Variants in SERTM1 observed in about 807,000 individuals in gnomAD.
The protein encoded by SERTM1 is serine rich and transmembrane domain containing 1.
A neutral mutation model predicts 5.5 loss-of-function variants in SERTM1; 1 was observed. The observed-to-expected ratio is 0.18, with a 90% CI of 0.06 to 0.86. The LOEUF (loss-of-function observed/expected upper bound fraction) is 0.86. Among genes scored for constraint, SERTM1 ranks in the 40% least tolerant of loss-of-function variants. SERTM1 has a pLI of 0.69. For synonymous variants in SERTM1, 52 were observed against 55.1 expected (o/e 0.94, Z 0.25); for missense variants, 91 against 122.4 (o/e 0.74, Z 1.21).
At chr13:36,686,853 G>C (rs1255345827) in intron 1 of SERTM1, among the ~76,000 whole-genome samples, 1 of 152,124 alleles carries the variant, frequency 6.6e-6, no homozygotes, top group South Asian at 2.1e-4. Context: ...AAATCTTGAA[G>C]TCTGAATCCT....
chr13:36,695,683 T>C lies in SERTM1; in HGVS notation c.*281T>C, dbSNP rs1276172354. 4.2e-6 allele frequency: 2 copies of C among 479,752 alleles called. No individual in the cohort carries two copies. The highest frequency in any genetic ancestry group is 7.6e-5 in the East Asian group (2 of 26,436). The allele number at this position is 479,752 out of a possible 1,614,324, so 29.7% of individuals were successfully genotyped here. On this transcript the variant is annotated 3_prime_UTR_variant, in exon 2 of 2. Transcript: ENST00000315190. ...TCAGGTAAGTCAGTTCATTCTACTT[T>C]GTTGGACGCCGTAGGCTCATCTGAG...
chr13:36,693,732 GT>G (rs1301397619), intron 1 of SERTM1, among the ~76,000 whole-genome samples: 1 of 152,250 alleles, frequency 6.6e-6, no homozygotes, highest in Non-Finnish European at 1.5e-5. Flanking sequence ...GAAGGGCAGA[GT>G]TTAGGAAGAG....
intron 1 of SERTM1, among the ~76,000 whole-genome samples, chr13:36,681,639 CACAG>C (rs1294555797): frequency 6.6e-6 from 1 of 152,092 alleles, no homozygotes; most frequent in East Asian, 1.9e-4. Flanking sequence ...TTTTTATTTC[CACAG>C]ATGAGCACAG....
intron 1 of SERTM1, among the ~76,000 whole-genome samples, chr13:36,688,346 G>A (rs1394513377): frequency 6.6e-6 from 1 of 151,972 alleles, no homozygotes; most frequent in African/African-American, 2.4e-5. Flanking sequence ...CCAAGTAACT[G>A]GGACTACAGG....
rs1051142849 is a variant in SERTM1, at chr13:36,696,463, G to A, written c.*1061G>A. On this transcript the variant is annotated 3_prime_UTR_variant, in exon 2 of 2. Transcript: ENST00000315190. ...GTTGCGTCTCTGATAATTAGTTGTT[G>A]TATGTTAACATAATACTCTACATTA... The A allele has an allele frequency of 7.8e-5, 13 of 166,840 alleles. No individual in the cohort carries two copies. The highest frequency in any genetic ancestry group is 1.5e-4 in the Non-Finnish European group (10 of 68,108). The allele number at this position is 166,840 out of a possible 1,614,324, so 10.3% of individuals were successfully genotyped here. A position where few individuals can be genotyped will look rare whatever the true frequency, so the allele number is the denominator to read the frequency against.
chr13:36,694,891 G>C lies in SERTM1; in HGVS notation c.-173-15G>C. On this transcript the variant is annotated splice_polypyrimidine_tract_variant and intron_variant, in intron 1 of 1. Transcript: ENST00000315190. Reference sequence around the variant, plus strand: ...ATTTTTCTGAAGAATGCACTGACTTGCTTTTTTTTTTCAGTCTCAATGCAC... The same window carrying C: ...ATTTTTCTGAAGAATGCACTGACTTCCTTTTTTTTTTCAGTCTCAATGCAC... 3.6e-6 allele frequency: 2 copies of C among 556,730 alleles called. No homozygotes were observed. Among genetic ancestry groups the C allele is most frequent in the Non-Finnish European group, 3.1e-6 (1 of 317,718 alleles). 34.5% of individuals were successfully genotyped at this position (556,730 alleles called of 1,614,324 possible). A position where few individuals can be genotyped will look rare whatever the true frequency, so the allele number is the denominator to read the frequency against.
intron 1 of SERTM1, among the ~76,000 whole-genome samples, chr13:36,689,840 T>G (rs1270585507): frequency 6.6e-6 from 1 of 152,054 alleles, no homozygotes; most frequent in Non-Finnish European, 1.5e-5. Context: ...TTATATTTAT[T>G]TTTATTTTTG....
intron 1 of SERTM1, among the ~76,000 whole-genome samples, chr13:36,682,678 G>A (rs907026106): frequency 3.9e-5 from 6 of 152,100 alleles, no homozygotes; most frequent in African/African-American, 1.2e-4. Flanking sequence ...TGGTAAAAAC[G>A]AGACTGGAAA....
chr13:36,691,652 A>C (rs1593400304), intron 1 of SERTM1, among the ~76,000 whole-genome samples: 1 of 152,164 alleles, frequency 6.6e-6, no homozygotes, highest in African/African-American at 2.4e-5. Flanking sequence ...CAAAATCCCC[A>C]TGTGGCTTTA....
chr13:36,685,040 T>C lies in SERTM1; in HGVS notation c.-173-9866T>C, dbSNP rs549468558. On this transcript the variant is annotated intron_variant, in intron 1 of 1. Coordinates refer to ENST00000315190, the MANE Select transcript of SERTM1 (RefSeq NM_203451.3). ...GAGAATTTGAGCCTACACTTGTCTA[T>C]TGCTTCCATATTGTCTTTGACAGGC... is the stretch of plus-strand genomic sequence containing the variant. Among the ~76,000 whole-genome samples the C allele has an allele frequency of 2.4e-4, 37 of 152,366 alleles. 1 individual carries two copies. The highest frequency in any genetic ancestry group is 8.3e-4 in the South Asian group (4 of 4,824).
chr13:36,690,363 A>T (rs1227273161), intron 1 of SERTM1, among the ~76,000 whole-genome samples: 1 of 152,198 alleles, frequency 6.6e-6, no homozygotes, highest in East Asian at 1.9e-4. Flanking sequence ...AACTCTATGG[A>T]TGGCTGAGTC....
At position 36,688,738 on chromosome 13, in the gene SERTM1, T is replaced by TA. The variant is rs781771751; in HGVS notation, c.-173-6167dup. Among the ~76,000 whole-genome samples the TA allele has an allele frequency of 7.5e-4, 115 of 152,328 alleles. 1 individual carries two copies. In the Middle Eastern group the frequency reaches 0.017, roughly 23 times the overall value. The stretch of plus-strand genomic sequence containing the variant: ...TATCTTGAAAAGCCAATCTTTTTTT[T>TA]ACCTTCTTTCTTCCCATTGATTCAT... On this transcript the variant is annotated intron_variant, in intron 1 of 1. Coordinates refer to ENST00000315190, the MANE Select transcript of SERTM1 (RefSeq NM_203451.3).
chr13:36,697,462 G>A lies in SERTM1; in HGVS notation c.*2060G>A, dbSNP rs1231921187. The A allele has an allele frequency of 1.7e-5, 2 of 115,868 alleles. No homozygotes were observed. Among genetic ancestry groups the A allele is most frequent in the Non-Finnish European group, 3.9e-5 (2 of 51,800 alleles). The allele number at this position is 115,868 out of a possible 1,614,324, so 7.2% of individuals were successfully genotyped here. On this transcript the variant is annotated 3_prime_UTR_variant, in exon 2 of 2. Transcript: ENST00000315190. ...TTGTTATAGAGAGAAACAAGGACAT[G>A]GATGAAGTGATTTTTTTTTAAATAA...
rs1386789538 is a variant in SERTM1 at position 36,695,027 on chromosome 13, G to A, written c.-52G>A. 6.8e-6 allele frequency: 9 copies of A among 1,313,910 alleles called. No homozygotes were observed. The East Asian group carries it at 1.8e-4, about 27-fold the overall frequency. 81.4% of individuals were successfully genotyped at this position (1,313,910 alleles called of 1,614,324 possible). ...TGCCAATCTGTCCTGTGTAAGCCCTGTGTGAAGTTTTGACTTTAATCTACC... is the reference window on the plus strand; with the variant it reads ...TGCCAATCTGTCCTGTGTAAGCCCTATGTGAAGTTTTGACTTTAATCTACC... On this transcript the variant is annotated 5_prime_UTR_variant, in exon 2 of 2. The change creates a new upstream start codon in the 5' untranslated region. Transcript: ENST00000315190.
At chr13:36,686,599 C>G (rs575509833) in intron 1 of SERTM1, among the ~76,000 whole-genome samples, 18 of 152,164 alleles carry the variant, frequency 1.2e-4, no homozygotes, top group Non-Finnish European at 2.1e-4. Context: ...GGCTGAACCA[C>G]TTGAGGGTTA....
chr13:36,694,723 C>T (rs951375928), intron 1 of SERTM1, among the ~76,000 whole-genome samples, 183 bp from the exon 2 acceptor site: 7 of 152,184 alleles, frequency 4.6e-5, no homozygotes, highest in East Asian at 1.9e-4. Context: ...AGAAAATAAA[C>T]GTTCATTTTT....
intron 1 of SERTM1, among the ~76,000 whole-genome samples, chr13:36,687,764 CACAACA>C (rs969345874): frequency 5.9e-5 from 9 of 151,874 alleles, no homozygotes; most frequent in African/African-American, 2.2e-4. Context: ...CACACACGCA[CACAACA>C]ACAACAACAA....
At chr13:36,678,276 G>A (rs1422787789) in intron 1 of SERTM1, among the ~76,000 whole-genome samples, 4 of 152,076 alleles carry the variant, frequency 2.6e-5, no homozygotes, top group Admixed American at 1.3e-4. Flanking sequence ...AAAAACATAT[G>A]TTAACAGCTT....
chr13:36,685,904 G>T (rs1380574842), intron 1 of SERTM1, among the ~76,000 whole-genome samples: 2 of 152,138 alleles, frequency 1.3e-5, no homozygotes, highest in African/African-American at 2.4e-5. Context: ...GCTCTTGTGG[G>T]TTCTCCCTGA....
Sources: gnomAD v4.1 joint callset for allele counts (sites outside exome capture counted in the v4.1 genomes callset) on GRCh38, gnomAD v4.1.1 for gene constraint, MANE v1.5 for transcripts, NCBI Gene and HGNC (gene_info 2026-07-23, HGNC 2026-07-21) for gene names.